ACSS2: variants seen among roughly 807,000 people sequenced by gnomAD.
The protein encoded by ACSS2 is acyl-CoA synthetase short chain family member 2, also known as acetyl-coenzyme A synthetase, cytoplasmic.
A neutral mutation model predicts 90.6 loss-of-function variants in ACSS2; 58 were observed. That is an observed-to-expected ratio of 0.64 (90% CI 0.52 to 0.80). The LOEUF (loss-of-function observed/expected upper bound fraction) is 0.80, where lower values mean the gene tolerates loss of function less well. ACSS2 is among the 30% of genes least tolerant of loss of function. The probability of loss-of-function intolerance (pLI) is 0.00; values close to 1 mark genes in which losing one functional copy is unlikely to be tolerated. For synonymous variants in ACSS2, 300 were observed against 330.9 expected (o/e 0.91, Z 1.01); for missense variants, 759 against 912.0 (o/e 0.83, Z 2.16).
Position 34,926,241 on chromosome 20 carries a change from C to T in ACSS2, c.1863C>T (p.His621=). 6.2e-7 allele frequency: 1 copy of T among 1,614,188 alleles called. No individual in the cohort carries two copies. The highest frequency in any genetic ancestry group is 8.5e-7 in the Non-Finnish European group (1 of 1,180,028). ...LYCFVTLCDG[H]TFSPKLTEEL... Reference sequence around the variant, plus strand: ...GCTTTGTCACCTTGTGTGATGGCCACACCTTCAGCCCCAAGCTCACCGAGG... The same window carrying T: ...GCTTTGTCACCTTGTGTGATGGCCATACCTTCAGCCCCAAGCTCACCGAGG... Residue 621 remains histidine, a synonymous_variant, in exon 16 of 18, where the codon CAC becomes CAT. Transcript: ENST00000360596.
In ACSS2 at chr20:34,913,178, C is replaced by T. The variant is rs530201978; in HGVS notation, c.457C>T (p.Arg153Ter). The change falls in exon 3 of 18, where the codon CGA (arginine) becomes TGA (stop). Residue 153 changes from arginine (R) to a stop codon, truncating the protein, a stop_gained. Transcript: ENST00000360596. LOFTEE classifies it high-confidence loss of function. ...VQVCQFSNVLRKQGIQKGDRV... is the reference protein window; with the variant it reads ...VQVCQFSNVL ...AGTGTGTCAGTTCAGCAATGTTCTCCGAAAACAGGGTGAGTGTGGGGGTGT... is the reference window on the plus strand; with the variant it reads ...AGTGTGTCAGTTCAGCAATGTTCTCTGAAAACAGGGTGAGTGTGGGGGTGT... 6.8e-6 allele frequency: 11 copies of T among 1,613,990 alleles called. No homozygotes were observed. Among genetic ancestry groups the T allele is most frequent in the Non-Finnish European group, 9.3e-6 (11 of 1,180,008 alleles).
intron 4 of ACSS2, 24 bp downstream of exon 4, chr20:34,913,520 G>A (rs376175545): frequency 2.5e-6 from 4 of 1,599,530 alleles, no homozygotes; most frequent in Admixed American, 3.4e-5. Flanking sequence ...CTGGTGAAAA[G>A]GGGCAGGCGG....
chr20:34,925,554 T>G (rs907144133), intron 14 of ACSS2, 144 bp from the exon 15 acceptor site: 18 of 781,736 alleles, frequency 2.3e-5, no homozygotes, highest in Non-Finnish European at 3.5e-5. Context: ...TGGTGCCCTC[T>G]TGGAGGCTGG....
chr20:34,904,458 T>C (rs928618620), intron 2 of ACSS2, among the ~76,000 whole-genome samples: 2 of 152,012 alleles, frequency 1.3e-5, no homozygotes, highest in Non-Finnish European at 2.9e-5. Flanking sequence ...AGAATAGTTG[T>C]ATGTGAGGAC....
At chr20:34,889,006 C>CT (rs71299220) in intron 2 of ACSS2, among the ~76,000 whole-genome samples, 55,155 of 141,834 alleles carry the variant, frequency 0.39, 11,057 homozygotes, top group Non-Finnish European at 0.45. Flanking sequence ...ACTAGACAAT[C>CT]TTTTTTTTTT....
intron 1 of ACSS2, among the ~76,000 whole-genome samples, chr20:34,879,894 C>T (rs1264045591): frequency 1.3e-5 from 2 of 152,124 alleles, no homozygotes; most frequent in African/African-American, 2.4e-5. Flanking sequence ...GCAGAGTTTC[C>T]TGTGCTTCCT....
intron 2 of ACSS2, among the ~76,000 whole-genome samples, chr20:34,883,452 A>G (rs976572181): frequency 3.3e-5 from 5 of 152,210 alleles, no homozygotes; most frequent in Non-Finnish European, 5.9e-5. Flanking sequence ...CTCATTTTAC[A>G]TAGGTGAAAA....
At position 34,899,426 on chromosome 20, in the gene ACSS2, CCT is replaced by C. The variant is rs763840681; in HGVS notation, c.375-13669_375-13668del. ...TCCTTCTTTCTTTCTTTCTTTCTTT[CCT>C]TCCTTCCTTCCTTCCTTCCTTCCTT... On this transcript the variant is annotated intron_variant, in intron 2 of 17. Coordinates refer to ENST00000360596, the MANE Select transcript of ACSS2 (RefSeq NM_018677.4). 6.4e-3 allele frequency among the ~76,000 whole-genome samples: 770 copies of C among 120,108 alleles called. 14 individuals carry two copies. The highest frequency in any genetic ancestry group is 8.2e-3 in the African/African-American group (233 of 28,484). 78.8% of individuals were successfully genotyped at this position (120,108 alleles called of 152,430 possible).
At chr20:34,904,496 T>C (rs1568982008) in intron 2 of ACSS2, among the ~76,000 whole-genome samples, 1 of 152,172 alleles carries the variant, frequency 6.6e-6, no homozygotes, top group African/African-American at 2.4e-5. Flanking sequence ...CTAGATCATG[T>C]AGGCCATTGT....
rs533497022 is a variant in ACSS2, at chr20:34,918,444, G to T, written c.835-991G>T. 7.9e-5 allele frequency among the ~76,000 whole-genome samples: 12 copies of T among 152,314 alleles called. No homozygotes were observed. The South Asian group carries it at 2.3e-3, about 29-fold the overall frequency. On this transcript the variant is annotated intron_variant, in intron 7 of 17. Transcript: ENST00000360596. Reference sequence around the variant, plus strand: ...AGAAAAGTAAAACAGTTTCAAAGGAGAATTTAGAGAAGTTTCAGGATGACA... The same window carrying T: ...AGAAAAGTAAAACAGTTTCAAAGGATAATTTAGAGAAGTTTCAGGATGACA...
At chr20:34,910,743 A>C (rs1218707859) in intron 2 of ACSS2, among the ~76,000 whole-genome samples, 1 of 152,236 alleles carries the variant, frequency 6.6e-6, no homozygotes, top group Non-Finnish European at 1.5e-5. Flanking sequence ...CTCATTATGT[A>C]TCTTTTTATG....
chr20:34,913,528 C>T lies in ACSS2; in HGVS notation c.570+32C>T, dbSNP rs201327167. The T allele has an allele frequency of 1.3e-4, 148 of 1,144,126 alleles. No homozygotes were observed. In the African/African-American group the frequency reaches 1.5e-3, roughly 12 times the overall value. The allele number at this position is 1,144,126 out of a possible 1,614,324, so 70.9% of individuals were successfully genotyped here. Reference sequence around the variant, plus strand: ...GTTTGGGCTGGTGAAAAGGGGCAGGCGGGGGGGTGGGGCTCTGGAGAAGTA... The same window carrying T: ...GTTTGGGCTGGTGAAAAGGGGCAGGTGGGGGGGTGGGGCTCTGGAGAAGTA... On this transcript the variant is annotated intron_variant, in intron 4 of 17. Transcript: ENST00000360596.
intron 2 of ACSS2, among the ~76,000 whole-genome samples, chr20:34,884,081 G>C (rs2080132697): frequency 6.6e-6 from 1 of 152,122 alleles, no homozygotes; most frequent in African/African-American, 2.4e-5. Flanking sequence ...GAGTAGGTGG[G>C]ACTACAGACA....
chr20:34,886,369 A>G (rs1161430401), intron 2 of ACSS2, among the ~76,000 whole-genome samples: 1 of 152,122 alleles, frequency 6.6e-6, no homozygotes, highest in African/African-American at 2.4e-5. Flanking sequence ...CTGTAATCCC[A>G]ACACTTTGGG....
chr20:34,925,149 C>T (rs762318718), intron 14 of ACSS2, among the ~76,000 whole-genome samples: 35 of 152,198 alleles, frequency 2.3e-4, no homozygotes, highest in Non-Finnish European at 2.4e-4. Context: ...TATTATCTCA[C>T]ACAGTTTCTG....
chr20:34,880,430 G>A (rs1017451943), intron 1 of ACSS2, among the ~76,000 whole-genome samples: 2 of 151,682 alleles, frequency 1.3e-5, no homozygotes, highest in East Asian at 1.9e-4. Context: ...TACTGGTGGG[G>A]GAGGGGGTAC....
chr20:34,886,986 G>A (rs1269027866), intron 2 of ACSS2, among the ~76,000 whole-genome samples: 1 of 152,174 alleles, frequency 6.6e-6, no homozygotes, highest in East Asian at 1.9e-4. Context: ...CAAAGGAAAT[G>A]GTGCTCTTAG....
At chr20:34,914,546 C>T (rs1424980180) in intron 7 of ACSS2, 109 bp downstream of exon 7, 8 of 982,900 alleles carry the variant, frequency 8.1e-6, no homozygotes, top group South Asian at 5.3e-5. Context: ...ACTGAGGATC[C>T]AGGAGCAATT....
chr20:34,892,900 T>C (rs962660059), intron 2 of ACSS2, among the ~76,000 whole-genome samples: 2 of 152,168 alleles, frequency 1.3e-5, no homozygotes, highest in Non-Finnish European at 2.9e-5. Context: ...GTTCTTGTTT[T>C]ATAAATGAAG....
Sources: allele counts gnomAD v4.1 joint callset (sites outside exome capture counted in the v4.1 genomes callset), GRCh38; gene constraint gnomAD v4.1.1; transcripts MANE v1.5; gene names NCBI Gene and HGNC (gene_info 2026-07-23, HGNC 2026-07-21).